WDR45B: variants seen among roughly 807,000 people sequenced by gnomAD.
WDR45B encodes the protein WD repeat domain 45B.
Under a neutral mutation model 44.6 loss-of-function variants are expected in WDR45B, and 20 were observed. The observed-to-expected ratio is 0.45, with a 90% CI of 0.32 to 0.65. The LOEUF (loss-of-function observed/expected upper bound fraction) is 0.65. Ranked by LOEUF, WDR45B falls within the 30% of genes least tolerant of loss-of-function variation. The pLI, the probability that WDR45B is intolerant of heterozygous loss-of-function variation, is 0.05. For missense variants in WDR45B, 323 were observed against 430.2 expected, an observed-to-expected ratio of 0.75 and a Z score of 2.20; for synonymous variants, 169 against 164.9, an observed-to-expected ratio of 1.02 and a Z score of -0.19.
intron 7 of WDR45B, 28 bp downstream of exon 7, chr17:82,619,015 T>C: frequency 1.2e-6 from 2 of 1,611,276 alleles, no homozygotes; most frequent in African/African-American, 2.7e-5. Flanking sequence ...CCGAAGTTCT[T>C]CTCCGGTGAA....
At chr17:82,638,301 A>G (rs748127664) in intron 2 of WDR45B, among the ~76,000 whole-genome samples, 4 of 128,486 alleles carry the variant, frequency 3.1e-5, no homozygotes, top group Admixed American at 7.6e-5. Context: ...AGAAAAAAGA[A>G]AAGAAAGGAA....
At chr17:82,622,752 T>A (rs1361378301) in intron 5 of WDR45B, among the ~76,000 whole-genome samples, 2 of 151,996 alleles carry the variant, frequency 1.3e-5, no homozygotes, top group Admixed American at 6.6e-5. Context: ...GTAAGAAGAT[T>A]GCAAGACTTA....
chr17:82,627,190 G>A lies in WDR45B; in HGVS notation c.332+14C>T. ...TGAAATACCACTTTAAAAAATTACT[G>A]ACACCAAACCCACCTATCTCGCCGC... On this transcript the variant is annotated intron_variant, in intron 4 of 9. Coordinates refer to ENST00000392325, the MANE Select transcript of WDR45B (RefSeq NM_019613.4). 4 of 1,606,044 alleles carry A rather than the reference G, an allele frequency of 2.5e-6. No homozygotes were observed. Among genetic ancestry groups the A allele is most frequent in the Non-Finnish European group, 3.4e-6 (4 of 1,173,858 alleles).
intron 6 of WDR45B, among the ~76,000 whole-genome samples, chr17:82,619,761 C>A (rs2045588703): frequency 6.6e-6 from 1 of 152,108 alleles, no homozygotes; most frequent in Non-Finnish European, 1.5e-5. Context: ...AACAAAAAAT[C>A]TTTATATCCT....
At chr17:82,633,185 G>A (rs1022436696) in intron 2 of WDR45B, among the ~76,000 whole-genome samples, 12 of 145,950 alleles carry the variant, frequency 8.2e-5, no homozygotes, top group Admixed American at 7.5e-4. Flanking sequence ...AAAAAAACCA[G>A]CACGGGCAAT....
At position 82,621,816 on chromosome 17, in the gene WDR45B, G is replaced by A. The variant is rs757063500; in HGVS notation, c.428-17C>T. On this transcript the variant is annotated splice_polypyrimidine_tract_variant and intron_variant, in intron 5 of 9. Coordinates refer to ENST00000392325, the MANE Select transcript of WDR45B (RefSeq NM_019613.4). ...CACAGAGGCCTGCGTGGAGACAGAGGACACCAATCAAGAACTGCCTTTGAT... is the reference window on the plus strand; with the variant it reads ...CACAGAGGCCTGCGTGGAGACAGAGAACACCAATCAAGAACTGCCTTTGAT... 9.3e-6 allele frequency: 15 copies of A among 1,613,658 alleles called. No homozygotes were observed. Among genetic ancestry groups the A allele is most frequent in the Non-Finnish European group, 1.2e-5 (14 of 1,179,884 alleles).
At chr17:82,619,260 T>A in intron 6 of WDR45B, 132 bp from the exon 7 acceptor site, 2 of 845,918 alleles carry the variant, frequency 2.4e-6, no homozygotes, top group Non-Finnish European at 1.9e-6. Flanking sequence ...ATCTACTACT[T>A]AACTTTCTCC....
intron 7 of WDR45B, among the ~76,000 whole-genome samples, chr17:82,618,409 C>G (rs909135822): frequency 1.3e-5 from 2 of 152,208 alleles, no homozygotes; most frequent in African/African-American, 2.4e-5. Context: ...GCCTCTCAGA[C>G]TGTAACAGGC....
chr17:82,638,489 A>T (rs1230402293), intron 2 of WDR45B, among the ~76,000 whole-genome samples: 2 of 151,364 alleles, frequency 1.3e-5, no homozygotes, highest in African/African-American at 4.9e-5. Flanking sequence ...ACAGGCCCAG[A>T]CTCTCCCAAC....
chr17:82,631,136 G>A (rs901680354), intron 2 of WDR45B, 114 bp from the exon 3 acceptor site: 2 of 1,024,600 alleles, frequency 2.0e-6, no homozygotes, highest in East Asian at 2.7e-5. Flanking sequence ...TTTTTTGTAA[G>A]AGACAAGATC....
chr17:82,645,628 T>C (rs1168858192), intron 1 of WDR45B, among the ~76,000 whole-genome samples: 1 of 152,168 alleles, frequency 6.6e-6, no homozygotes, highest in Non-Finnish European at 1.5e-5. Flanking sequence ...ATACTCTCAA[T>C]TCTACTCCTA....
At chr17:82,645,816 G>A (rs188621727) in intron 1 of WDR45B, among the ~76,000 whole-genome samples, 28 of 152,230 alleles carry the variant, frequency 1.8e-4, no homozygotes, top group Middle Eastern at 3.4e-3. Flanking sequence ...CTGCACAAAA[G>A]AACATTGTAC....
intron 2 of WDR45B, among the ~76,000 whole-genome samples, chr17:82,640,350 TTTC>T (rs2045897726): frequency 1.3e-5 from 2 of 149,076 alleles, no homozygotes; most frequent in Admixed American, 1.3e-4. Flanking sequence ...CTGGGATTTT[TTTC>T]TTTTTTTTTT....
At chr17:82,646,783 C>T (rs2045983919) in intron 1 of WDR45B, among the ~76,000 whole-genome samples, 1 of 152,168 alleles carries the variant, frequency 6.6e-6, no homozygotes, top group Non-Finnish European at 1.5e-5. Context: ...GGAAACCACC[C>T]TCTGAGAAGG....
intron 6 of WDR45B, 44 bp from the exon 7 acceptor site, chr17:82,619,172 T>C (rs2045579766): frequency 4.4e-6 from 7 of 1,591,340 alleles, no homozygotes; most frequent in Non-Finnish European, 6.0e-6. Context: ...GATTCAAAAC[T>C]TTTTCGTTAG....
At position 82,648,363 on chromosome 17, in the gene WDR45B, G is replaced by A. The variant is rs751497395; in HGVS notation, c.-23C>T. 21 of 1,601,564 alleles carry A rather than the reference G, an allele frequency of 1.3e-5. No individual in the cohort carries two copies. The East Asian group carries it at 3.0e-4, about 23-fold the overall frequency. On this transcript the variant is annotated 5_prime_UTR_variant, in exon 1 of 10. Coordinates refer to ENST00000392325, the MANE Select transcript of WDR45B (RefSeq NM_019613.4). ...CATGGCGCCGCCGTGCTGGGTCGCC[G>A]CTCCTCAGCGCTGCATGCCTCTCGC...
At chr17:82,617,657 GTGTC>G (rs2045556076) in intron 7 of WDR45B, 2 of 505,162 alleles carry the variant, frequency 4.0e-6, no homozygotes, top group Non-Finnish European at 7.3e-6. Context: ...GATGAGCTGT[GTGTC>G]TGGGAGAGGG....
intron 2 of WDR45B, among the ~76,000 whole-genome samples, chr17:82,632,823 T>G (rs566266187): frequency 5.6e-4 from 85 of 151,296 alleles, no homozygotes; most frequent in African/African-American, 2.0e-3. Context: ...AGCCCAAGAG[T>G]TCAAGGCCAT....
chr17:82,633,363 T>C (rs181302203), intron 2 of WDR45B, among the ~76,000 whole-genome samples: 29 of 152,192 alleles, frequency 1.9e-4, no homozygotes, highest in Non-Finnish European at 3.5e-4. Context: ...AAATTAATAA[T>C]CTGATTTTAA....
Sources: gnomAD v4.1 joint callset for allele counts (sites outside exome capture counted in the v4.1 genomes callset) on GRCh38, gnomAD v4.1.1 for gene constraint, MANE v1.5 for transcripts, NCBI Gene and HGNC (gene_info 2026-07-23, HGNC 2026-07-21) for gene names.